CNTNAP4: variants seen among roughly 807,000 people sequenced by gnomAD.
CNTNAP4 encodes the protein contactin associated protein family member 4, also known as contactin-associated protein-like 4.
In CNTNAP4, 98 loss-of-function variants were observed where a neutral mutation model predicts 148.4. The observed-to-expected ratio is 0.66, with a 90% confidence interval of 0.56 to 0.78. The LOEUF (loss-of-function observed/expected upper bound fraction) is 0.78. Among genes scored for constraint, CNTNAP4 ranks in the 30% least tolerant of loss-of-function variants. The pLI is 0.00. For missense variants in CNTNAP4, 1,935 were observed against 1,565.6 expected (o/e 1.24, Z -3.98); for synonymous variants, 730 against 565.1 (o/e 1.29, Z -4.14).
chr16:76,502,593 C>A lies in CNTNAP4; in HGVS notation c.2365+3899C>A, dbSNP rs548546620. On this transcript the variant is annotated intron_variant, in intron 15 of 23. Coordinates refer to ENST00000611870, the MANE Select transcript of CNTNAP4 (RefSeq NM_033401.5). ...ATCAGTTATAAATCTAAAGATCAGT[C>A]AAGTGACCTCTGATGTAAGACAAGG... Among the ~76,000 whole-genome samples the A allele has an allele frequency of 3.5e-3, 540 of 152,186 alleles. 2 individuals carry two copies. Among genetic ancestry groups the A allele is most frequent in the African/African-American group, 0.012 (517 of 41,522 alleles).
chr16:76,303,059 G>A (rs1007158866), intron 1 of CNTNAP4, among the ~76,000 whole-genome samples: 1 of 152,142 alleles, frequency 6.6e-6, no homozygotes, highest in Non-Finnish European at 1.5e-5. Flanking sequence ...TAAAACAGTG[G>A]AAATGAACCT....
chr16:76,535,747 C>T lies in CNTNAP4; in HGVS notation c.2958C>T (p.Cys986=). Residue 986 remains cysteine (C), a synonymous_variant, in exon 18 of 24, where the codon TGC becomes TGT. Transcript: ENST00000611870. ...GACCCATTGGGTTCTTTTGTGACTG[C>T]ACTTTCTCTGCATACACAGGGCCAT... ...RERPIGFFCD[C]TFSAYTGPFC... 6.2e-7 allele frequency: 1 copy of T among 1,613,920 alleles called. No homozygotes were observed. Among genetic ancestry groups the T allele is most frequent in the Middle Eastern group, 1.7e-4 (1 of 6,058 alleles).
intron 6 of CNTNAP4, 31 bp from the exon 7 acceptor site, chr16:76,449,684 C>G (rs1026594436): frequency 6.6e-7 from 1 of 1,519,822 alleles, no homozygotes; most frequent in African/African-American, 1.4e-5. Flanking sequence ...AATCACTAAA[C>G]AATATTATTG....
At chr16:76,407,132 T>G (rs1488314693) in intron 3 of CNTNAP4, among the ~76,000 whole-genome samples, 1 of 152,034 alleles carries the variant, frequency 6.6e-6, no homozygotes, top group African/African-American at 2.4e-5. Flanking sequence ...ATTCTGAAAA[T>G]CCTAGGACAC....
At chr16:76,420,273 G>GAATATATGTTA (rs1555550111) in intron 3 of CNTNAP4, among the ~76,000 whole-genome samples, 1 of 147,120 alleles carries the variant, frequency 6.8e-6, no homozygotes, top group Non-Finnish European at 1.5e-5. Context: ...ATATTCTATA[G>GAATATATGTTA]GAGATAAATA....
intron 17 of CNTNAP4, among the ~76,000 whole-genome samples, chr16:76,533,094 C>T (rs1271986102): frequency 6.6e-6 from 1 of 151,384 alleles, no homozygotes; most frequent in East Asian, 1.9e-4. Flanking sequence ...CCCAGTTGTC[C>T]AATAACAAAT....
At chr16:76,424,495 T>TTGA (rs1235401346) in intron 3 of CNTNAP4, among the ~76,000 whole-genome samples, 5 of 152,166 alleles carry the variant, frequency 3.3e-5, no homozygotes, top group Admixed American at 3.3e-4. Context: ...GGTTCACGCC[T>TTGA]GTAATCCTAA....
At chr16:76,469,862 T>C (rs976562015) in intron 10 of CNTNAP4, among the ~76,000 whole-genome samples, 9 of 152,194 alleles carry the variant, frequency 5.9e-5, no homozygotes, top group Non-Finnish European at 8.8e-5. Flanking sequence ...TTGCATACTT[T>C]TTAAATTTCC....
rs61708542 is a variant in CNTNAP4, at chr16:76,511,838, G to GGAGAGAGAGAGAGAGAGA, written c.2366-9295_2366-9278dup. Among the ~76,000 whole-genome samples the GGAGAGAGAGAGAGAGAGA allele has an allele frequency of 2.2e-3, 329 of 148,260 alleles. 2 individuals carry two copies. The East Asian group carries it at 0.033, about 15-fold the overall frequency. ...GTATTCTTGGAGCTTATATTTTCTT[G>GGAGAGAGAGAGAGAGAGA]GAGAGAGAGAGAGAGAGAGAGAGAC... is the stretch of plus-strand genomic sequence containing the variant. On this transcript the variant is annotated intron_variant, in intron 15 of 23. Transcript: ENST00000611870.
At chr16:76,409,275 T>TA (rs1393706972) in intron 3 of CNTNAP4, among the ~76,000 whole-genome samples, 1 of 151,968 alleles carries the variant, frequency 6.6e-6, no homozygotes, top group African/African-American at 2.4e-5. Flanking sequence ...CAGAAACACT[T>TA]ATGGTTATTC....
intron 3 of CNTNAP4, among the ~76,000 whole-genome samples, chr16:76,423,768 C>A (rs2079276089): frequency 6.6e-6 from 1 of 152,046 alleles, no homozygotes; most frequent in African/African-American, 2.4e-5. Flanking sequence ...GCAAAAATTG[C>A]AAATTTATTG....
intron 1 of CNTNAP4, among the ~76,000 whole-genome samples, chr16:76,298,982 C>T (rs528732189): frequency 5.3e-5 from 8 of 152,100 alleles, no homozygotes; most frequent in East Asian, 1.9e-4. Flanking sequence ...TTAGTTACAA[C>T]GTCTTATTAA....
intron 17 of CNTNAP4, among the ~76,000 whole-genome samples, chr16:76,534,653 C>A (rs1307122027): frequency 1.3e-5 from 2 of 152,150 alleles, no homozygotes; most frequent in African/African-American, 4.8e-5. Flanking sequence ...ATTAGAATCT[C>A]CTGCAAGCTT....
rs888699265 is a variant in CNTNAP4, at chr16:76,462,007, A to G, written c.1385A>G (p.Lys462Arg). Residue 462 changes from lysine to arginine, a missense_variant, in exon 9 of 24, where the codon AAG becomes AGG. Physicochemically the swap from Lys to Arg is conservative, Grantham distance 26. Coordinates refer to ENST00000611870, the MANE Select transcript of CNTNAP4 (RefSeq NM_033401.5). ...QWHSVSLSAK[K>R]NHLSVAVDGQ... is the part of the protein sequence containing the mutation. ...CATTCTGTCTCTTTATCTGCTAAAAAGAATCACTTGAGTGTGGCGGTGGAC... is the reference window on the plus strand; with the variant it reads ...CATTCTGTCTCTTTATCTGCTAAAAGGAATCACTTGAGTGTGGCGGTGGAC... 14 of 1,613,836 alleles carry G rather than the reference A, an allele frequency of 8.7e-6. No individual in the cohort carries two copies. In the African/African-American group the frequency reaches 1.6e-4, roughly 18 times the overall value.
chr16:76,543,694 C>T (rs1437900380), intron 21 of CNTNAP4, among the ~76,000 whole-genome samples: 1 of 152,144 alleles, frequency 6.6e-6, no homozygotes, highest in Non-Finnish European at 1.5e-5. Flanking sequence ...AGAGGAGTCC[C>T]TTGTTTGCCA....
At position 76,348,397 on chromosome 16, in the gene CNTNAP4, G is replaced by T. The variant is rs141698497; in HGVS notation, c.197-6921G>T. ...TGAATAAGGGAATTTTTGACACGTG[G>T]GTAATGCTTAAATTCATCAGGCTAA... On this transcript the variant is annotated intron_variant, in intron 2 of 23. Transcript: ENST00000611870. 5.3e-3 allele frequency among the ~76,000 whole-genome samples: 803 copies of T among 152,052 alleles called. 7 individuals carry two copies. Among genetic ancestry groups the T allele is most frequent in the Non-Finnish European group, 6.1e-3 (416 of 67,988 alleles).
chr16:76,359,336 T>G (rs1451372112), intron 3 of CNTNAP4, among the ~76,000 whole-genome samples: 1 of 152,158 alleles, frequency 6.6e-6, no homozygotes, highest in Non-Finnish European at 1.5e-5. Flanking sequence ...TATACAAGTA[T>G]GTGATAGAAA....
chr16:76,449,633 A>T, intron 6 of CNTNAP4, 82 bp from the exon 7 acceptor site: 1 of 1,182,678 alleles, frequency 8.5e-7, no homozygotes, highest in Non-Finnish European at 1.2e-6. Context: ...TGTGATGATT[A>T]TAGCTATACT....
intron 3 of CNTNAP4, among the ~76,000 whole-genome samples, chr16:76,391,749 A>G (rs1362429155): frequency 2.0e-5 from 3 of 152,158 alleles, no homozygotes; most frequent in African/African-American, 7.2e-5. Flanking sequence ...TAGCTTTGCT[A>G]CTCAATGTGT....
Sources: allele counts gnomAD v4.1 joint callset (sites outside exome capture counted in the v4.1 genomes callset), GRCh38; gene constraint gnomAD v4.1.1; transcripts MANE v1.5; gene names NCBI Gene and HGNC (gene_info 2026-07-23, HGNC 2026-07-21).